The following MARCHF6 variants were observed in gnomAD, a reference collection of about 807,000 sequenced individuals.
The protein encoded by MARCHF6 is E3 ubiquitin-protein ligase MARCHF6.
Under a neutral mutation model 133.7 loss-of-function variants are expected in MARCHF6, and 31 were observed. The ratio of observed to expected loss-of-function variants is 0.23; its 90% CI spans 0.17 to 0.31. The LOEUF (loss-of-function observed/expected upper bound fraction) is 0.31. MARCHF6 is among the 10% of genes least tolerant of loss of function. MARCHF6 has a pLI of 1.00. For synonymous variants in MARCHF6, 395 were observed against 402.5 expected (o/e 0.98, Z 0.22); for missense variants, 723 against 1,121.6 (o/e 0.64, Z 5.08).
At chr5:10,361,321 A>G (rs1044670527) in intron 1 of MARCHF6, among the ~76,000 whole-genome samples, 26 of 152,228 alleles carry the variant, frequency 1.7e-4, no homozygotes, top group African/African-American at 6.3e-4. Context: ...GTAACAAAGT[A>G]CTACAGATTG....
intron 4 of MARCHF6, among the ~76,000 whole-genome samples, chr5:10,382,684 G>A (rs1023715729): frequency 1.1e-4 from 17 of 152,064 alleles, no homozygotes; most frequent in Admixed American, 7.9e-4. Flanking sequence ...AAAATTAGCC[G>A]GGTGTGGTGG....
At chr5:10,394,471 A>G (rs2567564) in intron 8 of MARCHF6, among the ~76,000 whole-genome samples, 35,158 of 152,166 alleles carry the variant, frequency 0.23, 6,069 homozygotes, top group East Asian at 0.77. Context: ...TTATGAAGTA[A>G]TCTTAATTAG....
At chr5:10,418,395 A>C (rs1739642316) in intron 22 of MARCHF6, among the ~76,000 whole-genome samples, 1 of 151,982 alleles carries the variant, frequency 6.6e-6, no homozygotes, top group South Asian at 2.1e-4. Flanking sequence ...AAAAAAAAAA[A>C]AACCAAGAGC....
intron 11 of MARCHF6, chr5:10,401,798 A>G (rs1738548590): frequency 2.0e-6 from 1 of 508,338 alleles, no homozygotes; most frequent in Admixed American, 3.6e-5. Context: ...TTGTTTTTGT[A>G]AAATTTAATT....
chr5:10,400,762 G>A (rs1240089068), intron 10 of MARCHF6, 22 bp from the exon 11 acceptor site: 1 of 1,591,330 alleles, frequency 6.3e-7, no homozygotes, highest in South Asian at 1.1e-5. Context: ...GAGTTTTCAT[G>A]GAATTTTTTC....
chr5:10,394,145 T>A lies in MARCHF6; in HGVS notation c.828+2T>A. 6.5e-7 allele frequency: 1 copy of A among 1,547,706 alleles called. No individual in the cohort carries two copies. The highest frequency in any genetic ancestry group is 8.8e-7 in the Non-Finnish European group (1 of 1,141,644). On this transcript the variant is annotated splice_donor_variant, in intron 8 of 25. Transcript: ENST00000274140. LOFTEE classifies it high-confidence loss of function. ...GCTGAAGAGCTTACATGGGAAAGAG[T>A]AAGACCTTTTTCTGTCAAGTATCCT...
intron 15 of MARCHF6, among the ~76,000 whole-genome samples, chr5:10,404,223 A>G (rs964142585): frequency 1.3e-5 from 2 of 152,042 alleles, no homozygotes; most frequent in South Asian, 4.2e-4. Context: ...ACCCACCACC[A>G]TGCCCGGCTA....
At position 10,415,427 on chromosome 5, in the gene MARCHF6, T is replaced by A. The variant is rs1006273632; in HGVS notation, c.1967-61T>A. 143 of 1,413,536 alleles carry A rather than the reference T, an allele frequency of 1.0e-4. 1 individual carries two copies. The East Asian group carries it at 3.3e-3, about 32-fold the overall frequency. The allele number at this position is 1,413,536 out of a possible 1,614,324, so 87.6% of individuals were successfully genotyped here. ...ATGTGAAAATACTAACATAACAACA[T>A]GAAGATGACAATTCTCTTTACCTAG... On this transcript the variant is annotated intron_variant, in intron 20 of 25. Coordinates refer to ENST00000274140, the MANE Select transcript of MARCHF6 (RefSeq NM_005885.4).
At chr5:10,382,154 A>T (rs1468784154) in intron 4 of MARCHF6, among the ~76,000 whole-genome samples, 1 of 152,242 alleles carries the variant, frequency 6.6e-6, no homozygotes, top group East Asian at 1.9e-4. Flanking sequence ...GGGAAAGAAC[A>T]CAGCATACAG....
chr5:10,373,785 A>G (rs1462254552), intron 1 of MARCHF6, among the ~76,000 whole-genome samples: 1 of 152,128 alleles, frequency 6.6e-6, no homozygotes, highest in Non-Finnish European at 1.5e-5. Context: ...GTACATCCAC[A>G]CTTGCACCCA....
At chr5:10,377,576 G>A (rs1296993449) in intron 1 of MARCHF6, among the ~76,000 whole-genome samples, 1 of 152,124 alleles carries the variant, frequency 6.6e-6, no homozygotes, top group Non-Finnish European at 1.5e-5. Flanking sequence ...TCTGTCATAC[G>A]AAGGAACAAC....
At chr5:10,401,931 CA>C in intron 11 of MARCHF6, 127 bp from the exon 12 acceptor site, 1 of 627,008 alleles carries the variant, frequency 1.6e-6, no homozygotes, top group Non-Finnish European at 2.9e-6. Flanking sequence ...GCAGATTTTA[CA>C]GTTGTTTCCT....
intron 9 of MARCHF6, 98 bp from the exon 10 acceptor site, chr5:10,397,195 T>G (rs1267716816): frequency 1.3e-6 from 1 of 799,210 alleles, no homozygotes; most frequent in African/African-American, 1.8e-5. Flanking sequence ...ATCTTAGCTG[T>G]TTTTACTATT....
At chr5:10,385,128 G>A (rs1737388932) in intron 4 of MARCHF6, among the ~76,000 whole-genome samples, 1 of 152,208 alleles carries the variant, frequency 6.6e-6, no homozygotes, top group Non-Finnish European at 1.5e-5. Flanking sequence ...TTTTAAAACA[G>A]GTTACATTCA....
At chr5:10,410,379 T>C (rs1012983108) in intron 18 of MARCHF6, 103 bp downstream of exon 18, 15 of 1,363,626 alleles carry the variant, frequency 1.1e-5, no homozygotes, top group Middle Eastern at 5.3e-4. Flanking sequence ...GAAAAATTAG[T>C]TTTAATAAGA....
At chr5:10,374,787 A>G (rs896052558) in intron 1 of MARCHF6, among the ~76,000 whole-genome samples, 6 of 152,260 alleles carry the variant, frequency 3.9e-5, no homozygotes, top group Non-Finnish European at 2.9e-5. Context: ...CCAGGAAACC[A>G]GAGCCCTTTG....
intron 20 of MARCHF6, among the ~76,000 whole-genome samples, chr5:10,415,240 AT>A (rs1157527957): frequency 2.6e-5 from 4 of 152,238 alleles, no homozygotes; most frequent in African/African-American, 4.8e-5. Flanking sequence ...AGTAATTGGC[AT>A]GACAAATCAG....
intron 1 of MARCHF6, among the ~76,000 whole-genome samples, chr5:10,376,175 GCTACTGCTCAC>G (rs1423936914): frequency 6.6e-6 from 1 of 152,124 alleles, no homozygotes; most frequent in African/African-American, 2.4e-5. Context: ...AATAAATCTT[GCTACTGCTCAC>G]TCTTTGGGTC....
intron 5 of MARCHF6, among the ~76,000 whole-genome samples, chr5:10,388,406 C>T (rs910811429): frequency 1.3e-5 from 2 of 152,036 alleles, no homozygotes; most frequent in African/African-American, 4.8e-5. Flanking sequence ...TTACCAGTTT[C>T]TATGTATTCT....
Sources: allele counts gnomAD v4.1 joint callset (sites outside exome capture counted in the v4.1 genomes callset), GRCh38; gene constraint gnomAD v4.1.1; transcripts MANE v1.5; gene names NCBI Gene and HGNC (gene_info 2026-07-23, HGNC 2026-07-21).